Variants in NCOR2 observed in about 807,000 individuals in gnomAD.
NCOR2 encodes the protein CTG repeat protein 26.
A neutral mutation model predicts 262.9 loss-of-function variants in NCOR2; 81 were observed. The observed-to-expected ratio is 0.31, with a 90% CI of 0.26 to 0.37. The LOEUF is 0.37. Among genes scored for constraint, NCOR2 ranks in the 10% least tolerant of loss-of-function variants. The probability of loss-of-function intolerance (pLI) is 1.00; values close to 1 mark genes in which losing one functional copy is unlikely to be tolerated. For missense variants in NCOR2, 3,385 were observed against 3,621.4 expected (o/e 0.93, Z 1.68); for synonymous variants, 1,659 against 1,559.3 (o/e 1.06, Z -1.51).
intron 4 of NCOR2, 93 bp from the exon 7 acceptor site, chr12:124,466,379 CG>C: frequency 2.7e-6 from 3 of 1,110,976 alleles, no homozygotes; most frequent in Non-Finnish European, 1.3e-6. Context: ...CCTTGCAGCC[CG>C]GGCCACGGCC....
intron 3 of NCOR2, among the ~76,000 whole-genome samples, chr12:124,479,363 GCA>G (rs1333364361): frequency 2.0e-5 from 3 of 151,404 alleles, no homozygotes; most frequent in Admixed American, 1.3e-4. Flanking sequence ...TGCAACACAT[GCA>G]CACTCACGCA....
At chr12:124,473,102 C>T (rs375816066) in exon 4 of NCOR2, 51 of 1,613,758 alleles carry the variant, frequency 3.2e-5, no homozygotes, top group African/African-American at 1.3e-4. Context: ...GGGGAGACAC[C>T]GGTTCCAGCT....
At chr12:124,360,116 G>A (rs2038421285) in intron 22 of NCOR2, among the ~76,000 whole-genome samples, 1 of 152,210 alleles carries the variant, frequency 6.6e-6, no homozygotes, top group African/African-American at 2.4e-5. Flanking sequence ...CTGGCACCGT[G>A]CAGTTCCAGC....
intron 43 of NCOR2, 182 bp downstream of exon 45, chr12:124,332,137 A>C (rs2035252705): frequency 7.2e-6 from 5 of 695,968 alleles, no homozygotes. Context: ...CCAGCAAATC[A>C]AGAAACTGCC....
chr12:124,433,139 C>T (rs1207260588), intron 8 of NCOR2, among the ~76,000 whole-genome samples: 1 of 152,198 alleles, frequency 6.6e-6, no homozygotes, highest in African/African-American at 2.4e-5. Flanking sequence ...ACGAGGTGGC[C>T]AGGCTGGTGC....
At chr12:124,376,022 G>A (rs2039966809) in intron 18 of NCOR2, among the ~76,000 whole-genome samples, 1 of 152,196 alleles carries the variant, frequency 6.6e-6, no homozygotes, top group African/African-American at 2.4e-5. Context: ...CGCTGGCTGG[G>A]CCGGCAGACC....
intron 5 of NCOR2, among the ~76,000 whole-genome samples, chr12:124,458,111 C>T (rs1387860528): frequency 3.3e-5 from 5 of 152,240 alleles, no homozygotes; most frequent in Non-Finnish European, 5.9e-5. Context: ...ATTGGGGCAG[C>T]CACTCAGTAT....
chr12:124,352,532 C>T (rs562230386), intron 27 of NCOR2, among the ~76,000 whole-genome samples: 1 of 152,208 alleles, frequency 6.6e-6, no homozygotes, highest in South Asian at 2.1e-4. Context: ...GCCACCATGC[C>T]CAGCCAATTT....
intron 8 of NCOR2, among the ~76,000 whole-genome samples, chr12:124,436,125 C>T (rs990375187): frequency 2.0e-5 from 3 of 152,254 alleles, no homozygotes; most frequent in African/African-American, 7.2e-5. Flanking sequence ...ACAGTAGGTG[C>T]TCCGTGACTA....
chr12:124,556,261 A>AG (rs149791498), intron 1 of NCOR2: 19,530 of 152,390 alleles, frequency 0.13, 1,323 homozygotes, highest in South Asian at 0.16. Context: ...CAGGTGAGGG[A>AG]GGGTACAGGT....
At chr12:124,429,578 A>AAGGAGCTG in intron 10 of NCOR2, 35 bp downstream of exon 12, 1 of 1,562,346 alleles carries the variant, frequency 6.4e-7, no homozygotes, top group Non-Finnish European at 8.7e-7. Flanking sequence ...TGCCAGGGAA[A>AAGGAGCTG]AGGAGCTGAG....
At position 124,504,218 on chromosome 12, in the gene NCOR2, G is replaced by T. The variant is rs2048927888; in HGVS notation, c.-117-8850C>A. ...CTCCTTGACCCCGGGTAGATGTACA[G>T]GGTAGAGATACGTGGGCCAGGTTAA... On this transcript the variant is annotated intron_variant, in intron 1 of 46. Transcript: ENST00000404621. This position sits in a 1 kb window ranked among gnomAD's most constrained non-coding sequence, Gnocchi z 4.5. Among the ~76,000 whole-genome samples the T allele has an allele frequency of 6.6e-6, 1 of 152,234 alleles. No homozygotes were observed. The highest frequency in any genetic ancestry group is 6.5e-5 in the Admixed American group (1 of 15,284).
At chr12:124,493,263 A>C (rs2048193397) in intron 1 of NCOR2, among the ~76,000 whole-genome samples, 2 of 152,070 alleles carry the variant, frequency 1.3e-5, no homozygotes, top group African/African-American at 4.8e-5. Flanking sequence ...GGCGGTTGAG[A>C]AGAGTGGGAA....
upstream of NCOR2, among the ~76,000 whole-genome samples, chr12:124,496,134 G>A (rs2048367444): frequency 6.6e-6 from 1 of 152,050 alleles, no homozygotes; most frequent in Admixed American, 6.5e-5. The surrounding 1 kb of genome is among the most constrained non-coding windows in gnomAD (Gnocchi z 4.4). Flanking sequence ...CAGCTTTACA[G>A]ATGGAAAAAC....
chr12:124,326,234 C>T (rs753336604), exon 46 of NCOR2: 30 of 1,541,968 alleles, frequency 1.9e-5, no homozygotes, highest in East Asian at 1.7e-4. Context: ...TGGTGAGCGG[C>T]GTCCGGCGGT....
chr12:124,432,685 G>C lies in NCOR2; in HGVS notation c.883-1898C>G, dbSNP rs980127114. ...CCTCACCCCAAGGACCAGCTGTGAGGACCCCAGCAGCTCCCAGAGAGGGGG... is the reference window on the plus strand; with the variant it reads ...CCTCACCCCAAGGACCAGCTGTGAGCACCCCAGCAGCTCCCAGAGAGGGGG... On this transcript the variant is annotated intron_variant, in intron 8 of 46. Coordinates refer to ENST00000405201, the Ensembl canonical transcript of NCOR2. The surrounding 1 kb of genome is among the most constrained non-coding windows in gnomAD (Gnocchi z 5.1). Among the ~76,000 whole-genome samples the C allele has an allele frequency of 6.6e-6, 1 of 152,168 alleles. No individual in the cohort carries two copies. Among genetic ancestry groups the C allele is most frequent in the Non-Finnish European group, 1.5e-5 (1 of 68,026 alleles).
intron 37 of NCOR2, 109 bp downstream of exon 39, chr12:124,339,897 A>ACCCCCCCCCC: frequency 5.7e-6 from 1 of 176,240 alleles, no homozygotes; most frequent in Non-Finnish European, 1.1e-5. Flanking sequence ...ACATCTGCCC[A>ACCCCCCCCCC]CCCACCCACC....
intron 5 of NCOR2, among the ~76,000 whole-genome samples, chr12:124,462,906 T>C (rs991145632): frequency 2.0e-5 from 3 of 152,222 alleles, no homozygotes; most frequent in Admixed American, 2.0e-4. Flanking sequence ...GACAAGGACC[T>C]GAGTCTTCTG....
Position 124,443,004 on chromosome 12 carries a change from A to C in NCOR2, c.816-5008T>G, listed in dbSNP as rs1047891740. Among the ~76,000 whole-genome samples, 2 of 152,196 alleles carry C rather than the reference A, an allele frequency of 1.3e-5. No individual in the cohort carries two copies. The highest frequency in any genetic ancestry group is 2.9e-5 in the Non-Finnish European group (2 of 68,032). ...AGGCCGGCAGCCGCCAGGAGCTGGA[A>C]CCGGCAAGGAAGCAGCCTCCCCCAG... is the stretch of plus-strand genomic sequence containing the variant. On this transcript the variant is annotated intron_variant, in intron 7 of 46. Transcript: ENST00000405201. This position sits in a 1 kb window ranked among gnomAD's most constrained non-coding sequence, Gnocchi z 4.4.
Sources: gnomAD v4.1 joint callset for allele counts (sites outside exome capture counted in the v4.1 genomes callset) on GRCh38, gnomAD v4.1.1 for gene constraint, Gnocchi (gnomAD v3.1) non-coding constraint, MANE v1.5 for transcripts, NCBI Gene and HGNC (gene_info 2026-07-23, HGNC 2026-07-21) for gene names.